The following STK32B variants were observed in gnomAD, a reference collection of about 807,000 sequenced individuals.
STK32B encodes the protein serine/threonine kinase 32B, also known as serine/threonine-protein kinase 32B.
STK32B carries 43 observed loss-of-function variants against 52.6 expected under a neutral mutation model. That is an observed-to-expected ratio of 0.82 (90% CI 0.64 to 1.05). STK32B has a LOEUF of 1.05. Ranked by LOEUF, STK32B falls within the 50% of genes least tolerant of loss-of-function variation. The pLI, the probability that STK32B is intolerant of heterozygous loss-of-function variation, is 0.00. For missense variants in STK32B, 621 were observed against 534.6 expected (o/e 1.16, Z -1.59); for synonymous variants, 238 against 204.3 (o/e 1.17, Z -1.41).
At chr4:5,493,210 G>A (rs1719901977) in intron 11 of STK32B, among the ~76,000 whole-genome samples, 1 of 152,134 alleles carries the variant, frequency 6.6e-6, no homozygotes, top group Middle Eastern at 3.4e-3. Flanking sequence ...ATCTGGTCCT[G>A]GACTCTTTTT....
At chr4:5,491,719 A>G (rs907522485) in intron 11 of STK32B, among the ~76,000 whole-genome samples, 11 of 152,020 alleles carry the variant, frequency 7.2e-5, no homozygotes, top group African/African-American at 9.7e-5. Context: ...TAGGTCTAAC[A>G]TTTAAGTCTT....
At chr4:5,244,617 A>G (rs1725307131) in intron 3 of STK32B, among the ~76,000 whole-genome samples, 2 of 151,924 alleles carry the variant, frequency 1.3e-5, no homozygotes, top group African/African-American at 2.4e-5. Context: ...GCCTTCTGCT[A>G]GCTTTTGAAT....
chr4:5,028,036 C>G, the STK32B span, among the ~76,000 whole-genome samples: 1 of 152,236 alleles, frequency 6.6e-6, no homozygotes, highest in African/African-American at 2.4e-5. Flanking sequence ...TCAGCTTGAG[C>G]TGATTTCAGT....
chr4:5,154,823 T>C (rs561957658), intron 2 of STK32B, among the ~76,000 whole-genome samples: 2 of 152,280 alleles, frequency 1.3e-5, no homozygotes, highest in Admixed American at 1.3e-4. Flanking sequence ...AGTGCTGGCT[T>C]AGTGAGTGCT....
intron 7 of STK32B, chr4:5,447,325 G>A (rs1715551833): frequency 6.5e-6 from 1 of 153,014 alleles, no homozygotes; most frequent in Admixed American, 6.5e-5. Context: ...TTTTTTGTTT[G>A]AGCAGAAAGT....
intron 3 of STK32B, among the ~76,000 whole-genome samples, chr4:5,198,408 A>G (rs900426729): frequency 2.0e-5 from 3 of 152,222 alleles, no homozygotes; most frequent in Admixed American, 1.3e-4. Context: ...TACTTGTTTT[A>G]ATACGTGTGC....
chr4:5,239,055 C>A (rs577868061), intron 3 of STK32B, among the ~76,000 whole-genome samples: 1 of 152,064 alleles, frequency 6.6e-6, no homozygotes, highest in African/African-American at 2.4e-5. Context: ...ATCAGAAAAG[C>A]CCTTTGGAGT....
At chr4:5,444,231 T>A (rs1715126932) in intron 6 of STK32B, among the ~76,000 whole-genome samples, 1 of 152,224 alleles carries the variant, frequency 6.6e-6, no homozygotes, top group Non-Finnish European at 1.5e-5. Flanking sequence ...GATCTCAGAC[T>A]GCTGTGCTAG....
At chr4:5,209,937 A>G (rs1246693410) in intron 3 of STK32B, among the ~76,000 whole-genome samples, 1 of 152,184 alleles carries the variant, frequency 6.6e-6, no homozygotes, top group Non-Finnish European at 1.5e-5. Flanking sequence ...TTCAAGGGCA[A>G]TAGATTTCCT....
chr4:5,168,546 G>C (rs755140410), intron 3 of STK32B, 96 bp downstream of exon 3: 231 of 1,380,356 alleles, frequency 1.7e-4, no homozygotes, highest in Non-Finnish European at 2.1e-4. Context: ...CATTGTAAAG[G>C]GAAAGGGATG....
intron 1 of STK32B, among the ~76,000 whole-genome samples, chr4:5,083,806 G>A (rs555989108): frequency 6.6e-6 from 1 of 150,752 alleles, no homozygotes; most frequent in South Asian, 2.1e-4. Context: ...GCACAATCTC[G>A]GCTCACTGCA....
Position 5,467,796 on chromosome 4 carries a change from C to T in STK32B, c.1042-210C>T, listed in dbSNP as rs938825166. Among the ~76,000 whole-genome samples, 9 of 152,122 alleles carry T rather than the reference C, an allele frequency of 5.9e-5. No individual in the cohort carries two copies. The highest frequency in any genetic ancestry group is 4.1e-4 in the South Asian group (2 of 4,832). On this transcript the variant is annotated intron_variant, in intron 10 of 11. Transcript: ENST00000282908. The surrounding 1 kb of genome is among the most constrained non-coding windows in gnomAD (Gnocchi z 5.8). ...TTTTAAGTTGGATTTCATGGCTTAA[C>T]GTGGAGAAAAGCATCTTTGTCCACC... is the stretch of plus-strand genomic sequence containing the variant.
At chr4:5,047,856 C>A (rs543435032), upstream of STK32B, among the ~76,000 whole-genome samples, 17 of 152,278 alleles carry the variant, frequency 1.1e-4, no homozygotes, top group Non-Finnish European at 2.1e-4. Context: ...GGAAAACAGT[C>A]TTTGCAAATG....
chr4:5,362,545 G>A (rs576449043), intron 4 of STK32B, among the ~76,000 whole-genome samples: 66 of 152,296 alleles, frequency 4.3e-4, no homozygotes, highest in African/African-American at 1.5e-3. Flanking sequence ...CTTCTGTATT[G>A]TGGAGCAAAT....
chr4:5,447,773 TTCTG>T (rs1273326179), intron 7 of STK32B, among the ~76,000 whole-genome samples: 2 of 152,230 alleles, frequency 1.3e-5, no homozygotes, highest in African/African-American at 2.4e-5. Context: ...ATAAGATCCT[TTCTG>T]TCTATTTAGC....
intron 1 of STK32B, among the ~76,000 whole-genome samples, chr4:5,085,266 A>G (rs189866910): frequency 3.6e-4 from 55 of 152,364 alleles, no homozygotes; most frequent in African/African-American, 1.2e-3. Context: ...ATAACAAATG[A>G]CATAATAAAT....
chr4:5,265,154 C>T (rs974982221), intron 3 of STK32B, among the ~76,000 whole-genome samples: 9 of 152,084 alleles, frequency 5.9e-5, no homozygotes, highest in African/African-American at 2.2e-4. Context: ...TGTTCCAGTC[C>T]TAAATGTCAG....
At chr4:5,444,398 GA>G (rs1451257738) in intron 6 of STK32B, among the ~76,000 whole-genome samples, 3 of 152,212 alleles carry the variant, frequency 2.0e-5, no homozygotes, top group Admixed American at 6.5e-5. Context: ...CTTTGACTCG[GA>G]AAGGGAACTC....
intron 3 of STK32B, among the ~76,000 whole-genome samples, chr4:5,222,198 A>G (rs953277749): frequency 6.6e-6 from 1 of 152,138 alleles, no homozygotes; most frequent in African/African-American, 2.4e-5. Context: ...AGGCTCAGAT[A>G]TTTTTTTACA....
Sources: gnomAD v4.1 joint callset for allele counts (sites outside exome capture counted in the v4.1 genomes callset) on GRCh38, gnomAD v4.1.1 for gene constraint, Gnocchi (gnomAD v3.1) non-coding constraint, MANE v1.5 for transcripts, NCBI Gene and HGNC (gene_info 2026-07-23, HGNC 2026-07-21) for gene names.